PRTFDC1: variants seen among roughly 807,000 people sequenced by gnomAD.
PRTFDC1 encodes the protein phosphoribosyl transferase domain containing 1.
A neutral mutation model predicts 34.6 loss-of-function variants in PRTFDC1; 38 were observed. That is an observed-to-expected ratio of 1.10 (90% CI 0.85 to 1.44). PRTFDC1 has a LOEUF of 1.44. Ranked by LOEUF, PRTFDC1 falls within the 40% of genes most tolerant of loss-of-function variation. The probability of loss-of-function intolerance (pLI) is 0.00; values close to 1 mark genes in which losing one functional copy is unlikely to be tolerated. For missense variants in PRTFDC1, 270 were observed against 283.0 expected, an observed-to-expected ratio of 0.95 and a Z score of 0.33; for synonymous variants, 93 against 98.1, an observed-to-expected ratio of 0.95 and a Z score of 0.31.
intron 3 of PRTFDC1, among the ~76,000 whole-genome samples, chr10:24,894,903 C>G (rs1351574558): frequency 2.0e-5 from 3 of 152,134 alleles, no homozygotes; most frequent in African/African-American, 7.2e-5. Flanking sequence ...TGGCGACACA[C>G]ACCACTGTCT....
In PRTFDC1 at chr10:24,922,790, G is replaced by A. The variant is rs6482457; in HGVS notation, c.339+14394C>T. On this transcript the variant is annotated intron_variant, in intron 3 of 8. Coordinates refer to ENST00000320152, the MANE Select transcript of PRTFDC1 (RefSeq NM_020200.7). ...GGTAGCTGGTTCATCTTATTGGGACGGGTTGGACAGTGGGTGCGGCCCATA... is the reference window on the plus strand; with the variant it reads ...GGTAGCTGGTTCATCTTATTGGGACAGGTTGGACAGTGGGTGCGGCCCATA... 7.1e-3 allele frequency among the ~76,000 whole-genome samples: 1,078 copies of A among 152,108 alleles called. 16 individuals carry two copies. Among genetic ancestry groups the A allele is most frequent in the African/African-American group, 0.025 (1,022 of 41,478 alleles).
rs1397095314 is a variant in PRTFDC1, at chr10:24,908,177, G to A, written c.339+29007C>T. On this transcript the variant is annotated intron_variant, in intron 3 of 8. Transcript: ENST00000320152. ...ACACCAAAGTCCCCCAGGGCCTGGGGCTACATCATACTCTCGTATCCCCAC... is the reference window on the plus strand; with the variant it reads ...ACACCAAAGTCCCCCAGGGCCTGGGACTACATCATACTCTCGTATCCCCAC... 3 of 233,850 alleles carry A rather than the reference G, an allele frequency of 1.3e-5. No individual in the cohort carries two copies. The East Asian group carries it at 2.7e-4, about 21-fold the overall frequency. 14.5% of individuals were successfully genotyped at this position (233,850 alleles called of 1,614,324 possible). A position where few individuals can be genotyped will look rare whatever the true frequency, so the allele number is the denominator to read the frequency against.
intron 4 of PRTFDC1, among the ~76,000 whole-genome samples, chr10:24,858,656 C>G (rs1482280755): frequency 6.6e-6 from 1 of 152,184 alleles, no homozygotes; most frequent in Middle Eastern, 3.2e-3. Context: ...TTAGACCTGT[C>G]TGACGAGCTC....
intron 3 of PRTFDC1, chr10:24,908,777 G>A: frequency 6.9e-7 from 1 of 1,439,674 alleles, no homozygotes; most frequent in African/African-American, 1.4e-5. Flanking sequence ...CGATCAATGG[G>A]GTGACTGATG....
At chr10:24,936,566 A>G (rs1410607688) in intron 3 of PRTFDC1, among the ~76,000 whole-genome samples, 1 of 152,208 alleles carries the variant, frequency 6.6e-6, no homozygotes, top group East Asian at 1.9e-4. Context: ...GATTATATGC[A>G]TGAGCCACTG....
Position 24,886,212 on chromosome 10 carries a change from G to A in PRTFDC1, c.340-14149C>T, listed in dbSNP as rs536545067. On this transcript the variant is annotated intron_variant, in intron 3 of 8. Coordinates refer to ENST00000320152, the MANE Select transcript of PRTFDC1 (RefSeq NM_020200.7). ...ACTCTGGCAGGGGATGTTGATAAGC[G>A]GGGAGTCTATGTGGGGCTATATGAG... Among the ~76,000 whole-genome samples the A allele has an allele frequency of 1.1e-3, 160 of 151,792 alleles. 2 individuals carry two copies. The highest frequency in any genetic ancestry group is 2.1e-4 in the Non-Finnish European group (14 of 68,022).
At chr10:24,912,304 T>C (rs370691070) in intron 3 of PRTFDC1, among the ~76,000 whole-genome samples, 7 of 110,248 alleles carry the variant, frequency 6.3e-5, no homozygotes, top group Non-Finnish European at 1.4e-4. Flanking sequence ...AAGAAAGAAA[T>C]TGCTGAAGAG....
At chr10:24,886,565 T>C (rs1382648019) in intron 3 of PRTFDC1, among the ~76,000 whole-genome samples, 1 of 152,216 alleles carries the variant, frequency 6.6e-6, no homozygotes, top group African/African-American at 2.4e-5. Context: ...CTTGTGCAGA[T>C]TGTGATTCTG....
At chr10:24,918,693 G>A (rs1196893908) in intron 3 of PRTFDC1, among the ~76,000 whole-genome samples, 1 of 152,190 alleles carries the variant, frequency 6.6e-6, no homozygotes, top group Non-Finnish European at 1.5e-5. Context: ...AGGGTTACAG[G>A]TGTGAGCCAC....
intron 4 of PRTFDC1, among the ~76,000 whole-genome samples, chr10:24,871,222 A>G (rs556779382): frequency 6.6e-6 from 1 of 152,168 alleles, no homozygotes; most frequent in Non-Finnish European, 1.5e-5. Context: ...CTTGTGTAAT[A>G]GACTAATCCA....
intron 8 of PRTFDC1, among the ~76,000 whole-genome samples, chr10:24,850,886 T>C (rs1487946708): frequency 6.6e-6 from 1 of 152,146 alleles, no homozygotes; most frequent in Non-Finnish European, 1.5e-5. Context: ...TGGTCCACTA[T>C]GGGTAAGTTG....
chr10:24,879,082 T>C (rs1848020612), intron 3 of PRTFDC1, among the ~76,000 whole-genome samples: 1 of 152,224 alleles, frequency 6.6e-6, no homozygotes, highest in African/African-American at 2.4e-5. Context: ...CTAATTAAAA[T>C]GTTGCAACTG....
At chr10:24,850,242 A>G (rs1847460421) in intron 8 of PRTFDC1, among the ~76,000 whole-genome samples, 1 of 152,168 alleles carries the variant, frequency 6.6e-6, no homozygotes, top group Admixed American at 6.6e-5. Context: ...CAAGCACAAC[A>G]TGGGCTCTTA....
At chr10:24,857,045 A>G (rs759252929) in intron 5 of PRTFDC1, 50 bp from the exon 6 acceptor site, 2 of 1,466,946 alleles carry the variant, frequency 1.4e-6, no homozygotes, top group East Asian at 2.3e-5. Flanking sequence ...GAGCAGCACA[A>G]TAGACTTTTC....
intron 3 of PRTFDC1, among the ~76,000 whole-genome samples, chr10:24,905,494 G>C (rs1033246252): frequency 2.6e-5 from 4 of 151,988 alleles, no homozygotes; most frequent in African/African-American, 7.2e-5. Flanking sequence ...GCTAATTTTT[G>C]TATTTTTAGT....
chr10:24,941,343 C>T (rs1050142278), intron 2 of PRTFDC1, among the ~76,000 whole-genome samples: 4 of 151,746 alleles, frequency 2.6e-5, no homozygotes, highest in Non-Finnish European at 5.9e-5. Context: ...GAACGAGCCA[C>T]TGTACCCAGC....
intron 4 of PRTFDC1, chr10:24,867,848 G>A (rs750510926): frequency 6.7e-6 from 1 of 148,650 alleles, no homozygotes; most frequent in African/African-American, 2.5e-5. Context: ...CTGTCACCCA[G>A]GCTAGAGTGC....
intron 3 of PRTFDC1, among the ~76,000 whole-genome samples, chr10:24,872,624 T>C (rs1006619072): frequency 7.9e-5 from 12 of 151,674 alleles, no homozygotes; most frequent in African/African-American, 2.2e-4. Context: ...ACATGAATGA[T>C]GAGGTCTCAG....
At chr10:24,856,005 A>C (rs959456641) in intron 6 of PRTFDC1, among the ~76,000 whole-genome samples, 12 of 148,970 alleles carry the variant, frequency 8.1e-5, no homozygotes, top group Admixed American at 3.4e-4. Flanking sequence ...TCTCAGCTAC[A>C]TGGGAGTCTG....
Sources: gnomAD v4.1 joint callset for allele counts (sites outside exome capture counted in the v4.1 genomes callset) on GRCh38, gnomAD v4.1.1 for gene constraint, MANE v1.5 for transcripts, NCBI Gene and HGNC (gene_info 2026-07-23, HGNC 2026-07-21) for gene names.